Variants in PCSK5 observed in about 807,000 individuals in gnomAD.
PCSK5 encodes proprotein convertase subtilisin/kexin type 5.
Under a neutral mutation model 233.2 loss-of-function variants are expected in PCSK5, and 129 were observed. The observed-to-expected ratio is 0.55, with a 90% CI of 0.48 to 0.64. The LOEUF (loss-of-function observed/expected upper bound fraction) is 0.64. PCSK5 is among the 30% of genes least tolerant of loss of function. The pLI, the probability that PCSK5 is intolerant of heterozygous loss-of-function variation, is 0.00. For synonymous variants in PCSK5, 825 were observed against 879.2 expected, an observed-to-expected ratio of 0.94 and a Z score of 1.09; for missense variants, 2,076 against 2,430.1, an observed-to-expected ratio of 0.85 and a Z score of 3.06.
chr9:76,097,283 C>T (rs1461718804), intron 8 of PCSK5, among the ~76,000 whole-genome samples: 1 of 109,498 alleles, frequency 9.1e-6, no homozygotes. Flanking sequence ...GACGGAGTCT[C>T]GCTCTGTCGC....
chr9:75,925,994 T>TC (rs1178760403), intron 1 of PCSK5, among the ~76,000 whole-genome samples: 1 of 152,178 alleles, frequency 6.6e-6, no homozygotes, highest in African/African-American at 2.4e-5. Context: ...GGGAAGAGGT[T>TC]CGTCAACAAG....
chr9:76,320,442 GAAAAAAAAAAA>G (rs1829160358), intron 30 of PCSK5, among the ~76,000 whole-genome samples: 1 of 35,390 alleles, frequency 2.8e-5, no homozygotes, highest in South Asian at 9.5e-4. Context: ...AAAAAAAAAA[GAAAAAAAAAAA>G]GTACATTGTA....
intron 1 of PCSK5, among the ~76,000 whole-genome samples, chr9:75,908,179 TTGGGTGACA>T (rs1446746223): frequency 6.6e-6 from 1 of 152,224 alleles, no homozygotes; most frequent in African/African-American, 2.4e-5. Flanking sequence ...ATTCTCTTGG[TTGGGTGACA>T]TGGCCAGAAG....
At chr9:76,247,223 GCGGCAAA>G in intron 24 of PCSK5, among the ~76,000 whole-genome samples, 1 of 152,228 alleles carries the variant, frequency 6.6e-6, no homozygotes, top group Non-Finnish European at 1.5e-5. Flanking sequence ...GTCTGTGACA[GCGGCAAA>G]CAGCAGTGGT....
rs774520732 is a variant in PCSK5, at chr9:76,338,359, G to C, written c.4878G>C (p.Glu1626Asp). ...RFFFLLRSKG[E>D]CHRSCPDHYY... Reference sequence around the variant, plus strand: ...TCTTTCTGCTCCGCTCCAAAGGAGAGTGTCATCGCTCCTGCCCAGACCATT... The same window carrying C: ...TCTTTCTGCTCCGCTCCAAAGGAGACTGTCATCGCTCCTGCCCAGACCATT... Residue 1626 changes from glutamate to aspartate, a missense_variant, in exon 35 of 38, where the codon GAG becomes GAC. Physicochemically the swap from Glu to Asp is conservative, Grantham distance 45. Transcript: ENST00000674117. 6.8e-6 allele frequency: 11 copies of C among 1,612,732 alleles called. No individual in the cohort carries two copies. The highest frequency in any genetic ancestry group is 1.6e-4 in the Middle Eastern group (1 of 6,062).
At chr9:76,019,444 C>T (rs191776110) in intron 3 of PCSK5, among the ~76,000 whole-genome samples, 4 of 152,226 alleles carry the variant, frequency 2.6e-5, no homozygotes, top group African/African-American at 9.6e-5. Context: ...ATAAGCCACT[C>T]TATCAATAAT....
chr9:76,126,435 G>T (rs928752065), intron 9 of PCSK5, among the ~76,000 whole-genome samples: 3 of 152,136 alleles, frequency 2.0e-5, no homozygotes, highest in East Asian at 1.9e-4. Flanking sequence ...CCAACGTGGA[G>T]AAATCCCGTC....
At chr9:76,302,899 A>T (rs1371456383) in intron 28 of PCSK5, among the ~76,000 whole-genome samples, 4 of 150,826 alleles carry the variant, frequency 2.7e-5, no homozygotes, top group Non-Finnish European at 5.9e-5. Context: ...CTTGCTTTAT[A>T]TAGTTTAGCT....
chr9:75,945,803 A>G (rs1412978298), intron 2 of PCSK5, among the ~76,000 whole-genome samples: 1 of 152,060 alleles, frequency 6.6e-6, no homozygotes, highest in Non-Finnish European at 1.5e-5. Flanking sequence ...TGCCTGGAAT[A>G]TGCTTCCTTT....
At chr9:75,922,825 G>C (rs1010445583) in intron 1 of PCSK5, among the ~76,000 whole-genome samples, 2 of 152,130 alleles carry the variant, frequency 1.3e-5, no homozygotes, top group Non-Finnish European at 1.5e-5. Flanking sequence ...GGGAAAATCT[G>C]GTGCTTATTC....
chr9:76,026,899 G>A (rs1390461369), intron 4 of PCSK5, 62 bp from the exon 5 acceptor site: 10 of 1,076,640 alleles, frequency 9.3e-6, no homozygotes, highest in Non-Finnish European at 1.4e-5. Flanking sequence ...TGAGCCTGTG[G>A]GTCATTGGCT....
chr9:76,178,312 G>A (rs1398913322), intron 14 of PCSK5, among the ~76,000 whole-genome samples: 2 of 152,134 alleles, frequency 1.3e-5, no homozygotes, highest in African/African-American at 2.4e-5. Context: ...AAGTATATTC[G>A]AGTCTGCAGC....
intron 24 of PCSK5, among the ~76,000 whole-genome samples, chr9:76,284,261 A>G (rs1166194949): frequency 1.3e-5 from 2 of 152,128 alleles, no homozygotes; most frequent in Admixed American, 1.3e-4. Flanking sequence ...TCTCATCTTG[A>G]ATTGTAGCTC....
chr9:76,229,933 C>G (rs1391142082), intron 21 of PCSK5, among the ~76,000 whole-genome samples: 2 of 152,156 alleles, frequency 1.3e-5, no homozygotes, highest in Non-Finnish European at 2.9e-5. Flanking sequence ...GAAGCTCTTC[C>G]CCTGCAGAGA....
chr9:76,175,166 G>C, intron 14 of PCSK5, 37 bp downstream of exon 14: 1 of 1,603,588 alleles, frequency 6.2e-7, no homozygotes, highest in South Asian at 1.1e-5. Flanking sequence ...GCTAAAAAGA[G>C]GCAGCTCATG....
At chr9:76,170,400 G>A (rs1823280706) in intron 13 of PCSK5, among the ~76,000 whole-genome samples, 1 of 152,156 alleles carries the variant, frequency 6.6e-6, no homozygotes, top group Non-Finnish European at 1.5e-5. Context: ...GTTAACAAAG[G>A]TCTTTTCAGG....
In PCSK5 at chr9:76,361,307, T is replaced by G. The variant is rs1447347122; in HGVS notation, c.*2385T>G. 3 of 151,926 alleles carry G rather than the reference T, an allele frequency of 2.0e-5. No individual in the cohort carries two copies. Among genetic ancestry groups the G allele is most frequent in the African/African-American group, 7.3e-5 (3 of 41,296 alleles). 9.4% of individuals were successfully genotyped at this position (151,926 alleles called of 1,614,324 possible). ...TTGCAGTGAGCGGAGATGGCACCAT[T>G]GCACTCCAGCCTGGGTGACAGAGCA... On this transcript the variant is annotated 3_prime_UTR_variant, in exon 38 of 38. Transcript: ENST00000674117.
At chr9:76,124,522 A>AAATCAG (rs1832764797) in intron 9 of PCSK5, among the ~76,000 whole-genome samples, 1 of 123,460 alleles carries the variant, frequency 8.1e-6, no homozygotes, top group Non-Finnish European at 1.8e-5. Flanking sequence ...CGAGGCAGGC[A>AAATCAG]GATCAGGAGG....
At chr9:75,956,044 T>C (rs2066188) in intron 2 of PCSK5, among the ~76,000 whole-genome samples, 31,720 of 152,164 alleles carry the variant, frequency 0.21, 3,843 homozygotes, top group East Asian at 0.48. Context: ...CAGGCTGTAC[T>C]CTTGTAACCA....
Sources: allele counts gnomAD v4.1 joint callset (sites outside exome capture counted in the v4.1 genomes callset), GRCh38; gene constraint gnomAD v4.1.1; transcripts MANE v1.5; gene names NCBI Gene and HGNC (gene_info 2026-07-23, HGNC 2026-07-21).